Variants in FAM184B observed in about 807,000 individuals in gnomAD.
FAM184B encodes the protein family with sequence similarity 184 member B.
Under a neutral mutation model 135.9 loss-of-function variants are expected in FAM184B, and 111 were observed. The ratio of observed to expected loss-of-function variants is 0.82; its 90% CI spans 0.70 to 0.96. The LOEUF (loss-of-function observed/expected upper bound fraction) is 0.96. FAM184B is among the 40% of genes least tolerant of loss of function. The probability of loss-of-function intolerance (pLI) is 0.00; values close to 1 mark genes in which losing one functional copy is unlikely to be tolerated. For synonymous variants in FAM184B, 552 were observed against 524.8 expected, an observed-to-expected ratio of 1.05 and a Z score of -0.71; for missense variants, 1,375 against 1,323.9, an observed-to-expected ratio of 1.04 and a Z score of -0.60.
chr4:17,662,472 G>C (rs1401264046), intron 8 of FAM184B, among the ~76,000 whole-genome samples: 3 of 152,170 alleles, frequency 2.0e-5, no homozygotes, highest in Non-Finnish European at 2.9e-5. Flanking sequence ...TGAGTGGCTG[G>C]GACTACAGGT....
intron 5 of FAM184B, among the ~76,000 whole-genome samples, chr4:17,701,702 C>A (rs908363375): frequency 6.6e-6 from 1 of 152,196 alleles, no homozygotes; most frequent in Non-Finnish European, 1.5e-5. Flanking sequence ...GAACTTGGCA[C>A]CTGCAGTATC....
intron 1 of FAM184B, among the ~76,000 whole-genome samples, chr4:17,752,346 G>T (rs555951941): frequency 6.6e-6 from 1 of 152,264 alleles, no homozygotes; most frequent in African/African-American, 2.4e-5. Context: ...CGGGAGATAG[G>T]GGGAGGTGAG....
At chr4:17,730,615 A>T (rs1717754496) in intron 1 of FAM184B, among the ~76,000 whole-genome samples, 1 of 152,182 alleles carries the variant, frequency 6.6e-6, no homozygotes, top group South Asian at 2.1e-4. Flanking sequence ...AATATTCAAC[A>T]TTCTTAAAGA....
intron 1 of FAM184B, among the ~76,000 whole-genome samples, chr4:17,717,191 C>T (rs1357490112): frequency 1.3e-5 from 2 of 152,148 alleles, no homozygotes; most frequent in East Asian, 1.9e-4. Context: ...TAGAGAGAAT[C>T]CAGGCCCAGT....
intron 1 of FAM184B, among the ~76,000 whole-genome samples, chr4:17,721,406 A>AAAAAAAAAAAAAAAC (rs1560185395): frequency 2.7e-4 from 39 of 143,290 alleles, no homozygotes; most frequent in Non-Finnish European, 4.1e-4. Context: ...AAAAAAAAAA[A>AAAAAAAAAAAAAAAC]TCTCTTTGCC....
intron 1 of FAM184B, among the ~76,000 whole-genome samples, chr4:17,745,619 A>G (rs1214809188): frequency 1.3e-5 from 2 of 152,058 alleles, no homozygotes; most frequent in East Asian, 1.9e-4. Flanking sequence ...CACCTCCATC[A>G]ATAGGTGCAC....
intron 1 of FAM184B, among the ~76,000 whole-genome samples, chr4:17,767,110 C>T (rs563462990): frequency 7.4e-4 from 112 of 152,286 alleles, no homozygotes; most frequent in African/African-American, 2.3e-3. Flanking sequence ...AGTGCGGGGC[C>T]GCCGAGCCAA....
Position 17,707,703 on chromosome 4 carries a change from C to T in FAM184B, c.976G>A (p.Ala326Thr). ...GTAKKLGEKL[A>T]VAKDRMMLQE... Reference sequence around the variant, plus strand: ...AGCATCATTCTGTCTTTGGCAACAGCCAGCTTCTCCCCAAGTTTTTTTGCA... The same window carrying T: ...AGCATCATTCTGTCTTTGGCAACAGTCAGCTTCTCCCCAAGTTTTTTTGCA... The change falls in exon 3 of 18, where the codon GCT becomes ACT. Residue 326 changes from alanine (A) to threonine (T), a missense_variant. Ala to Thr is a moderately conservative substitution (Grantham distance 58). Coordinates refer to ENST00000265018, the MANE Select transcript of FAM184B (RefSeq NM_015688.2). The T allele has an allele frequency of 6.4e-7, 1 of 1,551,848 alleles. No individual in the cohort carries two copies. The highest frequency in any genetic ancestry group is 1.2e-5 in the South Asian group (1 of 84,064).
At chr4:17,670,190 G>C (rs1028188731) in intron 7 of FAM184B, among the ~76,000 whole-genome samples, 10 of 152,148 alleles carry the variant, frequency 6.6e-5, no homozygotes, top group Non-Finnish European at 1.3e-4. Flanking sequence ...GTATTCATTT[G>C]TATTTAAATG....
At chr4:17,652,737 A>G in intron 11 of FAM184B, 93 bp downstream of exon 11, 1 of 1,407,908 alleles carries the variant, frequency 7.1e-7, no homozygotes, top group Non-Finnish European at 9.5e-7. Flanking sequence ...GAGCCCGAGA[A>G]CCCTGGAGCC....
intron 8 of FAM184B, among the ~76,000 whole-genome samples, chr4:17,660,854 C>T (rs1247178946): frequency 2.0e-5 from 3 of 151,946 alleles, no homozygotes; most frequent in Admixed American, 6.6e-5. Context: ...ATCTTCTTCC[C>T]CTGACAAGGA....
At chr4:17,780,985 T>A (rs1238361756) in intron 1 of FAM184B, among the ~76,000 whole-genome samples, 174 bp downstream of exon 1, 1 of 152,128 alleles carries the variant, frequency 6.6e-6, no homozygotes, top group Non-Finnish European at 1.5e-5. Context: ...TTTAGGATGG[T>A]GCCTCTAGAA....
intron 1 of FAM184B, among the ~76,000 whole-genome samples, chr4:17,776,879 G>T (rs955328392): frequency 2.0e-5 from 3 of 152,184 alleles, no homozygotes; most frequent in African/African-American, 7.2e-5. Context: ...TGTGACCTGA[G>T]AATTGGGTGC....
chr4:17,734,119 G>T (rs895712687), intron 1 of FAM184B, among the ~76,000 whole-genome samples: 5 of 152,184 alleles, frequency 3.3e-5, no homozygotes, highest in Non-Finnish European at 7.3e-5. Context: ...GGGAAAACTG[G>T]CTGGCCACAT....
At chr4:17,737,567 G>A (rs1717940435) in intron 1 of FAM184B, among the ~76,000 whole-genome samples, 2 of 152,106 alleles carry the variant, frequency 1.3e-5, no homozygotes, top group Admixed American at 6.6e-5. Flanking sequence ...TTTTAAGATC[G>A]TAAGCAAGAT....
chr4:17,711,456 C>CAA (rs2108967632), intron 1 of FAM184B, among the ~76,000 whole-genome samples: 2 of 151,432 alleles, frequency 1.3e-5, no homozygotes, highest in African/African-American at 4.9e-5. Context: ...CCAGCTTGGC[C>CAA]AATACAGCAA....
In FAM184B at chr4:17,778,622, G is replaced by A. The variant is rs1366538459; in HGVS notation, c.141+2537C>T. Among the ~76,000 whole-genome samples, 13 of 152,314 alleles carry A rather than the reference G, an allele frequency of 8.5e-5. No individual in the cohort carries two copies. The South Asian group carries it at 1.2e-3, about 15-fold the overall frequency. ...TGCCTGAGCTTTGGAAGGTTGAGGC[G>A]GGAGGATTGCTTGAAGCCAGGAGTT... On this transcript the variant is annotated intron_variant, in intron 1 of 17. Coordinates refer to ENST00000265018, the MANE Select transcript of FAM184B (RefSeq NM_015688.2).
At chr4:17,768,961 G>A (rs1233526959) in intron 1 of FAM184B, among the ~76,000 whole-genome samples, 1 of 151,980 alleles carries the variant, frequency 6.6e-6, no homozygotes, top group African/African-American at 2.4e-5. Context: ...GCGCCACCAC[G>A]TCTGGCTAAT....
chr4:17,721,111 G>A (rs1437843034), intron 1 of FAM184B, among the ~76,000 whole-genome samples: 2 of 151,514 alleles, frequency 1.3e-5, no homozygotes, highest in African/African-American at 4.8e-5. Context: ...TCGGCTGGGC[G>A]CGGTGGCTTA....
Sources: gnomAD v4.1 joint callset for allele counts (sites outside exome capture counted in the v4.1 genomes callset) on GRCh38, gnomAD v4.1.1 for gene constraint, MANE v1.5 for transcripts, NCBI Gene and HGNC (gene_info 2026-07-23, HGNC 2026-07-21) for gene names.